Variants in CDHR3 observed in about 807,000 individuals in gnomAD.
CDHR3 encodes the protein cadherin related family member 3, also known as cadherin-related family member 3.
Under a neutral mutation model 86.6 loss-of-function variants are expected in CDHR3, and 79 were observed. The observed-to-expected ratio is 0.91, with a 90% CI of 0.76 to 1.10. CDHR3 has a LOEUF of 1.10. Ranked by LOEUF, CDHR3 falls within the 50% of genes least tolerant of loss-of-function variation. The pLI is 0.00. For synonymous variants in CDHR3, 421 were observed against 402.4 expected, an observed-to-expected ratio of 1.05 and a Z score of -0.55; for missense variants, 1,081 against 1,077.6, an observed-to-expected ratio of 1.00 and a Z score of -0.04.
In CDHR3 at chr7:106,022,270, G is replaced by A. The variant is rs765982493; in HGVS notation, c.1898G>A (p.Arg633His). ...GTCACACGCCTGCTGCTTACATCTC[G>A]CTTTGACTATGCTGGTGGGTTTGAT... ...SNVTRLLLTS[R>H]FDYAGGFDKI... The change falls in exon 14 of 19, where the codon CGC becomes CAC. Residue 633 changes from arginine to histidine, a missense_variant. By Grantham distance (29) the Arg-to-His change is conservative. Transcript: ENST00000317716. The A allele has an allele frequency of 2.2e-5, 35 of 1,613,780 alleles. No individual in the cohort carries two copies. Among genetic ancestry groups the A allele is most frequent in the African/African-American group, 6.7e-5 (5 of 74,882 alleles).
intron 1 of CDHR3, among the ~76,000 whole-genome samples, chr7:105,966,897 G>A (rs987370199): frequency 3.3e-5 from 5 of 152,024 alleles, no homozygotes; most frequent in African/African-American, 1.2e-4. Flanking sequence ...GACCTAGCTG[G>A]TGCAAAATTA....
chr7:106,017,789 A>G (rs1432194281), intron 11 of CDHR3, 57 bp from the exon 12 acceptor site: 7 of 1,407,632 alleles, frequency 5.0e-6, no homozygotes, highest in East Asian at 5.0e-5. Context: ...CTGTTCCTGA[A>G]TCATCCTTCT....
At chr7:105,993,607 C>T (rs935227998) in intron 4 of CDHR3, among the ~76,000 whole-genome samples, 6 of 135,086 alleles carry the variant, frequency 4.4e-5, no homozygotes, top group Admixed American at 8.6e-5. Flanking sequence ...GCCCGGGAGG[C>T]GGAGGCTGCA....
chr7:105,975,916 G>C (rs1828733884), intron 2 of CDHR3, among the ~76,000 whole-genome samples: 1 of 152,146 alleles, frequency 6.6e-6, no homozygotes. Context: ...CTTATCATTA[G>C]TCACTAGGAG....
chr7:106,019,671 C>T (rs1836246955), intron 12 of CDHR3, among the ~76,000 whole-genome samples: 1 of 152,292 alleles, frequency 6.6e-6, no homozygotes. Context: ...AATAGGCTGG[C>T]CCCTGCTTAT....
At chr7:106,032,330 G>T (rs933091991) in intron 18 of CDHR3, 63 bp from the exon 19 acceptor site, 6 of 1,468,734 alleles carry the variant, frequency 4.1e-6, no homozygotes, top group East Asian at 2.4e-5. Context: ...GGGTAGAAGT[G>T]GGGGAAGAGA....
intron 2 of CDHR3, among the ~76,000 whole-genome samples, chr7:105,976,503 G>A (rs923518921): frequency 3.9e-5 from 6 of 152,132 alleles, no homozygotes; most frequent in South Asian, 2.1e-4. Context: ...TGTACAATTC[G>A]GTAGTTTTTA....
At chr7:106,027,708 T>A (rs1837581685) in intron 16 of CDHR3, 1 of 450,490 alleles carries the variant, frequency 2.2e-6, no homozygotes, top group African/African-American at 2.0e-5. Flanking sequence ...GGCATGTGTC[T>A]GACATGCTTA....
At chr7:105,966,979 A>C (rs1827049635) in intron 1 of CDHR3, among the ~76,000 whole-genome samples, 1 of 151,920 alleles carries the variant, frequency 6.6e-6, no homozygotes, top group Non-Finnish European at 1.5e-5. Flanking sequence ...TTATACTTTA[A>C]GTCCTAGGGT....
At chr7:106,020,259 T>C (rs990500053) in intron 12 of CDHR3, 114 bp from the exon 13 acceptor site, 2 of 842,412 alleles carry the variant, frequency 2.4e-6, no homozygotes, top group African/African-American at 1.7e-5. Context: ...AGCTATCTCA[T>C]GTGAGTTTAA....
intron 15 of CDHR3, among the ~76,000 whole-genome samples, chr7:106,025,146 A>G (rs1837168697): frequency 6.6e-6 from 1 of 151,986 alleles, no homozygotes; most frequent in Non-Finnish European, 1.5e-5. Flanking sequence ...CCAATCTGTG[A>G]TGTGTCTTTT....
Position 106,017,908 on chromosome 7 carries a change from T to A in CDHR3, c.1489T>A (p.Tyr497Asn). ...AGACCTCCCCCAGAGCAGCCTCCTG[T>A]ACTCCATCTCCACTGGAGGGGCCAG... ...DKDLPQSSLL[Y>N]SISTGGASLQ... Residue 497 changes from tyrosine (Y) to asparagine (N), a missense_variant, in exon 12 of 19, where the codon TAC (tyrosine) becomes AAC (asparagine). By Grantham distance (143) the Tyr-to-Asn change is moderately radical. Coordinates refer to ENST00000317716, the MANE Select transcript of CDHR3 (RefSeq NM_152750.5). 2 of 1,609,584 alleles carry A rather than the reference T, an allele frequency of 1.2e-6. No individual in the cohort carries two copies. Among genetic ancestry groups the A allele is most frequent in the Non-Finnish European group, 1.7e-6 (2 of 1,177,792 alleles).
intron 16 of CDHR3, chr7:106,028,323 T>C: frequency 1.8e-6 from 1 of 560,322 alleles, no homozygotes; most frequent in East Asian, 3.1e-5. Context: ...AAAAAACAAC[T>C]AAATTGTTCG....
In CDHR3 at chr7:105,975,462, A is replaced by C. The variant is rs144872450; in HGVS notation, c.249+416A>C. Among the ~76,000 whole-genome samples, 404 of 152,312 alleles carry C rather than the reference A, an allele frequency of 2.7e-3. 3 individuals carry two copies. The highest frequency in any genetic ancestry group is 9.4e-3 in the African/African-American group (389 of 41,560). Reference sequence around the variant, plus strand: ...TATGAGTCTGATTTTTTCAGAAGATAATCTAAGAGGAGACTTATTTAATTA... The same window carrying C: ...TATGAGTCTGATTTTTTCAGAAGATCATCTAAGAGGAGACTTATTTAATTA... On this transcript the variant is annotated intron_variant, in intron 2 of 18. Transcript: ENST00000317716.
At chr7:105,993,871 C>A (rs575744880) in intron 4 of CDHR3, among the ~76,000 whole-genome samples, 30 of 152,232 alleles carry the variant, frequency 2.0e-4, no homozygotes, top group African/African-American at 5.8e-4. Context: ...ACACATAAAC[C>A]TGTCTCTTCC....
intron 7 of CDHR3, among the ~76,000 whole-genome samples, chr7:106,003,918 G>GT (rs1258308439): frequency 7.9e-6 from 1 of 126,050 alleles, no homozygotes; most frequent in Non-Finnish European, 1.6e-5. Context: ...GAGGTTTTTG[G>GT]TTTTTTTCTG....
At chr7:105,996,940 C>A (rs1410888339) in intron 6 of CDHR3, among the ~76,000 whole-genome samples, 1 of 152,062 alleles carries the variant, frequency 6.6e-6, no homozygotes, top group Non-Finnish European at 1.5e-5. Context: ...GGCACTATCC[C>A]AGGCACAAAA....
chr7:106,012,235 T>C (rs1028644025), intron 8 of CDHR3, among the ~76,000 whole-genome samples: 1 of 152,094 alleles, frequency 6.6e-6, no homozygotes, highest in African/African-American at 2.4e-5. Context: ...GAGAAATATA[T>C]GGTGTACCAG....
chr7:105,991,787 A>T (rs148942595), intron 4 of CDHR3, among the ~76,000 whole-genome samples: 1 of 152,354 alleles, frequency 6.6e-6, no homozygotes, highest in African/African-American at 2.4e-5. Flanking sequence ...GCAGTGAATA[A>T]AATGAAGCCC....
Sources: allele counts gnomAD v4.1 joint callset (sites outside exome capture counted in the v4.1 genomes callset), GRCh38; gene constraint gnomAD v4.1.1; transcripts MANE v1.5; gene names NCBI Gene and HGNC (gene_info 2026-07-23, HGNC 2026-07-21).